The following PPFIA2 variants were observed in gnomAD, a reference collection of about 807,000 sequenced individuals.
PPFIA2 encodes the protein PPFI scaffold protein A2.
PPFIA2 carries 46 observed loss-of-function variants against 175.5 expected under a neutral mutation model. That is an observed-to-expected ratio of 0.26 (90% CI 0.21 to 0.34). PPFIA2 has a LOEUF of 0.34. Among genes scored for constraint, PPFIA2 ranks in the 10% least tolerant of loss-of-function variants. PPFIA2 has a pLI of 1.00. For missense variants in PPFIA2, 1,179 were observed against 1,506.1 expected (o/e 0.78, Z 3.60); for synonymous variants, 568 against 511.4 (o/e 1.11, Z -1.49).
chr12:81,577,682 T>A (rs753594267), intron 4 of PPFIA2, among the ~76,000 whole-genome samples: 4 of 151,808 alleles, frequency 2.6e-5, no homozygotes, highest in Non-Finnish European at 5.9e-5. Context: ...AAAGATAAAT[T>A]GGGTGGAGAG....
At chr12:81,611,312 G>A (rs929898422) in intron 4 of PPFIA2, among the ~76,000 whole-genome samples, 8 of 152,188 alleles carry the variant, frequency 5.3e-5, no homozygotes, top group East Asian at 1.9e-4. Context: ...CCTGGGGCCC[G>A]GGACCCAGCA....
At chr12:81,556,200 T>A (rs1057178387) in intron 4 of PPFIA2, among the ~76,000 whole-genome samples, 1 of 152,016 alleles carries the variant, frequency 6.6e-6, no homozygotes, top group African/African-American at 2.4e-5. Context: ...AATGAAATGT[T>A]ATTAATTAGA....
intron 4 of PPFIA2, among the ~76,000 whole-genome samples, chr12:81,622,203 G>A (rs893308604): frequency 2.0e-5 from 3 of 152,124 alleles, no homozygotes; most frequent in African/African-American, 7.2e-5. Flanking sequence ...CAACCCAATT[G>A]GGTATATCAA....
At chr12:81,518,166 G>T (rs183101013) in intron 4 of PPFIA2, among the ~76,000 whole-genome samples, 1 of 152,038 alleles carries the variant, frequency 6.6e-6, no homozygotes, top group African/African-American at 2.4e-5. Context: ...TTAACACCTG[G>T]ATCATGGCCA....
At chr12:81,287,321 ATACATGCATAGTATCTTTCACAGAT>A (rs534397683) in intron 24 of PPFIA2, among the ~76,000 whole-genome samples, 1 of 152,084 alleles carries the variant, frequency 6.6e-6, no homozygotes, top group African/African-American at 2.4e-5. Flanking sequence ...ACTAGAATAG[ATACATGCATAGTATCTTTCACAGAT>A]TATCTTTAAG....
intron 4 of PPFIA2, among the ~76,000 whole-genome samples, chr12:81,614,089 T>C (rs141880832): frequency 0.011 from 1,628 of 152,220 alleles, 32 homozygotes; most frequent in African/African-American, 0.033. Context: ...GGTTAGATTG[T>C]TTTAAAAAAA....
chr12:81,648,798 T>A (rs542020847), intron 4 of PPFIA2, among the ~76,000 whole-genome samples: 2 of 151,860 alleles, frequency 1.3e-5, no homozygotes, highest in Non-Finnish European at 2.9e-5. Flanking sequence ...GACTTACAGA[T>A]CAATGGAAAA....
chr12:81,531,110 A>C (rs970002365), intron 4 of PPFIA2, among the ~76,000 whole-genome samples: 1 of 151,972 alleles, frequency 6.6e-6, no homozygotes, highest in Admixed American at 6.6e-5. Context: ...AGTTACAAAA[A>C]TAATTTCAAT....
At chr12:81,468,956 C>G (rs1032788554) in intron 4 of PPFIA2, among the ~76,000 whole-genome samples, 2 of 151,996 alleles carry the variant, frequency 1.3e-5, no homozygotes, top group Non-Finnish European at 2.9e-5. Context: ...AGAGAGAAAT[C>G]TGGAAAGACT....
intron 4 of PPFIA2, among the ~76,000 whole-genome samples, chr12:81,600,940 C>T (rs1189600780): frequency 2.0e-5 from 3 of 151,928 alleles, no homozygotes; most frequent in Admixed American, 6.6e-5. Flanking sequence ...CACCAGATCC[C>T]TTGTTATTGT....
intron 4 of PPFIA2, among the ~76,000 whole-genome samples, chr12:81,577,106 T>C (rs1955385): frequency 0.12 from 18,330 of 151,876 alleles, 1,227 homozygotes; most frequent in Middle Eastern, 0.13. Flanking sequence ...ATTTACTTAA[T>C]AGGAATTCAA....
At chr12:81,423,086 T>TAATCCGAAC in intron 7 of PPFIA2, among the ~76,000 whole-genome samples, 1 of 151,958 alleles carries the variant, frequency 6.6e-6, no homozygotes, top group East Asian at 1.9e-4. Context: ...AAGAAATAGA[T>TAATCCGAAC]AATCCGAACA....
chr12:81,645,123 T>G (rs1376982603), intron 4 of PPFIA2, among the ~76,000 whole-genome samples: 1 of 151,646 alleles, frequency 6.6e-6, no homozygotes, highest in East Asian at 1.9e-4. Context: ...CTAAGCACAC[T>G]TTTTTAACCT....
chr12:81,418,133 T>C (rs1376923850), intron 7 of PPFIA2, among the ~76,000 whole-genome samples: 1 of 151,864 alleles, frequency 6.6e-6, no homozygotes, highest in Non-Finnish European at 1.5e-5. Context: ...AAATTGCCTA[T>C]GGTTACAAAG....
intron 2 of PPFIA2, among the ~76,000 whole-genome samples, chr12:81,756,612 C>G (rs907276790): frequency 2.6e-5 from 4 of 151,950 alleles, no homozygotes; most frequent in Admixed American, 2.0e-4. Flanking sequence ...GGACAAGTTA[C>G]TTTACATGTT....
intron 9 of PPFIA2, among the ~76,000 whole-genome samples, chr12:81,376,820 T>C (rs1373471901): frequency 6.6e-6 from 1 of 152,124 alleles, no homozygotes; most frequent in Admixed American, 6.5e-5. Flanking sequence ...ATGGCTATAG[T>C]TTCCATATCT....
intron 3 of PPFIA2, among the ~76,000 whole-genome samples, chr12:81,744,962 ACAGCCTCATTGG>A (rs1342823906): frequency 1.0e-3 from 153 of 152,286 alleles, no homozygotes; most frequent in African/African-American, 3.5e-3. Context: ...AGTAATAACA[ACAGCCTCATTGG>A]AATGTTCGGA....
intron 4 of PPFIA2, among the ~76,000 whole-genome samples, chr12:81,459,904 G>C (rs1044397936): frequency 6.6e-6 from 1 of 152,046 alleles, no homozygotes; most frequent in Non-Finnish European, 1.5e-5. Flanking sequence ...CTGAATAATG[G>C]TAAGCTGTAT....
intron 8 of PPFIA2, among the ~76,000 whole-genome samples, chr12:81,384,918 C>G (rs2038592404): frequency 6.6e-6 from 1 of 152,060 alleles, no homozygotes; most frequent in Admixed American, 6.6e-5. Flanking sequence ...GAAAGGACTG[C>G]TTAGAAACCA....
Sources: allele counts gnomAD v4.1 joint callset (sites outside exome capture counted in the v4.1 genomes callset), GRCh38; gene constraint gnomAD v4.1.1; transcripts MANE v1.5; gene names NCBI Gene and HGNC (gene_info 2026-07-23, HGNC 2026-07-21).